Variants in LZTS1 observed in about 807,000 individuals in gnomAD.
LZTS1 encodes the protein leucine zipper tumor suppressor 1, also known as leucine zipper putative tumor suppressor 1.
LZTS1 carries 31 observed loss-of-function variants against 45.8 expected under a neutral mutation model. The observed-to-expected ratio is 0.68, with a 90% CI of 0.51 to 0.91. The LOEUF (loss-of-function observed/expected upper bound fraction) is 0.91, where lower values mean the gene tolerates loss of function less well. LZTS1 is among the 40% of genes least tolerant of loss of function. The probability of loss-of-function intolerance (pLI) is 0.00; values close to 1 mark genes in which losing one functional copy is unlikely to be tolerated. For synonymous variants in LZTS1, 359 were observed against 357.3 expected (o/e 1.00, Z -0.05); for missense variants, 821 against 788.9 (o/e 1.04, Z -0.49).
intron 1 of LZTS1, among the ~76,000 whole-genome samples, chr8:20,265,676 CA>C (rs71222140): frequency 3.3e-4 from 14 of 42,994 alleles, no homozygotes; most frequent in Middle Eastern, 0.031. Flanking sequence ...GACTCTGTCT[CA>C]AAAAAAAAAA....
At chr8:20,251,461 G>C (rs1349205152) in intron 3 of LZTS1, among the ~76,000 whole-genome samples, 2 of 152,098 alleles carry the variant, frequency 1.3e-5, no homozygotes, top group Non-Finnish European at 1.5e-5. Context: ...TGGCTTCCAG[G>C]CTAGTTCCAA....
chr8:20,279,878 T>C (rs914877762), intron 1 of LZTS1, among the ~76,000 whole-genome samples: 1 of 150,210 alleles, frequency 6.7e-6, no homozygotes, highest in South Asian at 2.1e-4. Flanking sequence ...TCCCAGCTAC[T>C]CAGGAGGCTG....
At chr8:20,303,595 C>A (rs892777356) in intron 1 of LZTS1, 145 bp downstream of exon 1, 4 of 717,712 alleles carry the variant, frequency 5.6e-6, no homozygotes, top group Non-Finnish European at 6.8e-6. Flanking sequence ...ACAAAGACAC[C>A]TCGACAGCCA....
At chr8:20,251,128 T>C (rs1210977923) in intron 3 of LZTS1, among the ~76,000 whole-genome samples, 1 of 28,092 alleles carries the variant, frequency 3.6e-5, no homozygotes, top group African/African-American at 1.7e-4. Context: ...TATATATATA[T>C]ATATATATAT....
chr8:20,265,676 C>CCA (rs1800339247), intron 1 of LZTS1, among the ~76,000 whole-genome samples: 2 of 42,996 alleles, frequency 4.7e-5, no homozygotes, highest in Admixed American at 4.0e-4. Context: ...GACTCTGTCT[C>CCA]AAAAAAAAAA....
intron 2 of LZTS1, among the ~76,000 whole-genome samples, chr8:20,253,812 A>G (rs902970274): frequency 6.6e-6 from 1 of 152,158 alleles, no homozygotes; most frequent in Non-Finnish European, 1.5e-5. Context: ...ACTTTGTTCT[A>G]TGAAATAGCA....
chr8:20,303,401 C>A (rs1219376612), intron 1 of LZTS1, among the ~76,000 whole-genome samples: 1 of 152,198 alleles, frequency 6.6e-6, no homozygotes, highest in East Asian at 1.9e-4. Flanking sequence ...ACCTCCGACA[C>A]CAGTGTCACC....
rs759753884 is a variant in LZTS1, at chr8:20,254,830, C to T, written c.345+7G>A. 16 of 1,598,058 alleles carry T rather than the reference C, an allele frequency of 1.0e-5. No homozygotes were observed. The highest frequency in any genetic ancestry group is 3.4e-5 in the South Asian group (3 of 89,486). The stretch of plus-strand genomic sequence containing the variant: ...CCCACTTACCCTTGCCAGCGACCCC[C>T]GCTTACCATTTCTAGCTGATTGGAG... On this transcript the variant is annotated splice_region_variant and intron_variant, in intron 2 of 3. Coordinates refer to ENST00000381569, the MANE Select transcript of LZTS1 (RefSeq NM_021020.5).
intron 1 of LZTS1, among the ~76,000 whole-genome samples, chr8:20,260,370 A>C (rs958046352): frequency 1.3e-5 from 2 of 152,154 alleles, no homozygotes; most frequent in Non-Finnish European, 2.9e-5. Context: ...TTGTATCTAG[A>C]GCTCCTAGAA....
Position 20,248,648 on chromosome 8 carries a change from T to G in LZTS1, c.*1074A>C, listed in dbSNP as rs1481183684. ...ACCCAGAACTCAGCCCTGAAGGTGCTAAGGGGGAAAGGTTTGCCGCTAAAC... is the reference window on the plus strand; with the variant it reads ...ACCCAGAACTCAGCCCTGAAGGTGCGAAGGGGGAAAGGTTTGCCGCTAAAC... On this transcript the variant is annotated 3_prime_UTR_variant, in exon 4 of 4. Coordinates refer to ENST00000381569, the MANE Select transcript of LZTS1 (RefSeq NM_021020.5). 6.6e-6 allele frequency: 1 copy of G among 152,114 alleles called. No homozygotes were observed. Among genetic ancestry groups the G allele is most frequent in the African/African-American group, 2.4e-5 (1 of 41,356 alleles). 9.4% of individuals were successfully genotyped at this position (152,114 alleles called of 1,614,324 possible). A position where few individuals can be genotyped will look rare whatever the true frequency, so the allele number is the denominator to read the frequency against.
intron 1 of LZTS1, among the ~76,000 whole-genome samples, chr8:20,288,872 C>T (rs1243312161): frequency 6.6e-6 from 1 of 151,960 alleles, no homozygotes; most frequent in African/African-American, 2.4e-5. Flanking sequence ...CTTCCATTTC[C>T]TTGTCTGTAA....
rs1799822423 is a variant in LZTS1 at position 20,249,475 on chromosome 8, C to T, written c.*247G>A. 1 of 561,874 alleles carries T rather than the reference C, an allele frequency of 1.8e-6. No homozygotes were observed. The highest frequency in any genetic ancestry group is 3.2e-6 in the Non-Finnish European group (1 of 315,992). 34.8% of individuals were successfully genotyped at this position (561,874 alleles called of 1,614,324 possible). A position where few individuals can be genotyped will look rare whatever the true frequency, so the allele number is the denominator to read the frequency against. ...AGCCCTTAACCAAAGCAGACAGACC[C>T]CTGGACCCATCTCCTGGGAAAGCCA... is the stretch of plus-strand genomic sequence containing the variant. On this transcript the variant is annotated 3_prime_UTR_variant, in exon 4 of 4. Coordinates refer to ENST00000381569, the MANE Select transcript of LZTS1 (RefSeq NM_021020.5).
chr8:20,286,571 C>T (rs1189735803), intron 1 of LZTS1, among the ~76,000 whole-genome samples: 1 of 152,244 alleles, frequency 6.6e-6, no homozygotes, highest in Non-Finnish European at 1.5e-5. Flanking sequence ...CAGACATGCT[C>T]AGCCACACTA....
intron 1 of LZTS1, among the ~76,000 whole-genome samples, chr8:20,265,570 T>C (rs11204107): frequency 0.38 from 56,214 of 149,836 alleles, 11,506 homozygotes; most frequent in East Asian, 0.46. Context: ...TCCCAGCTAT[T>C]TGGTAGGCTG....
intron 1 of LZTS1, among the ~76,000 whole-genome samples, chr8:20,283,740 A>C (rs1210841977): frequency 1.3e-5 from 2 of 152,104 alleles, no homozygotes; most frequent in Non-Finnish European, 2.9e-5. Context: ...CACACTGTTG[A>C]GATGTTAGCT....
chr8:20,254,428 C>T (rs888926831), intron 2 of LZTS1, among the ~76,000 whole-genome samples: 3 of 152,196 alleles, frequency 2.0e-5, no homozygotes, highest in Non-Finnish European at 2.9e-5. Context: ...ACGAGTCTCC[C>T]GGGGAGAGAA....
At position 20,247,311 on chromosome 8, in the gene LZTS1, G is replaced by C. The variant is rs978036755; in HGVS notation, c.*2411C>G. ...CACTTCTTCTCAGGCAACGTCTGAG[G>C]CAGAGCACTGGACTCTGACTGCTCT... On this transcript the variant is annotated 3_prime_UTR_variant, in exon 4 of 4. Transcript: ENST00000381569. 6.6e-6 allele frequency: 1 copy of C among 152,012 alleles called. No individual in the cohort carries two copies. Among genetic ancestry groups the C allele is most frequent in the Non-Finnish European group, 1.5e-5 (1 of 68,244 alleles). 9.4% of individuals were successfully genotyped at this position (152,012 alleles called of 1,614,324 possible). A position where few individuals can be genotyped will look rare whatever the true frequency, so the allele number is the denominator to read the frequency against.
intron 1 of LZTS1, among the ~76,000 whole-genome samples, chr8:20,274,223 T>G (rs1800530284): frequency 6.6e-6 from 1 of 152,232 alleles, no homozygotes; most frequent in African/African-American, 2.4e-5. Context: ...TCGAGCGCAG[T>G]ACCTTCTGGC....
chr8:20,266,571 A>G (rs1338782547), intron 1 of LZTS1, among the ~76,000 whole-genome samples: 1 of 151,414 alleles, frequency 6.6e-6, no homozygotes, highest in Non-Finnish European at 1.5e-5. Context: ...TTCCTCAACA[A>G]CCAATCCTGT....
Sources: allele counts gnomAD v4.1 joint callset (sites outside exome capture counted in the v4.1 genomes callset), GRCh38; gene constraint gnomAD v4.1.1; transcripts MANE v1.5; gene names NCBI Gene and HGNC (gene_info 2026-07-23, HGNC 2026-07-21).